Variants in SLC25A21 observed in about 807,000 individuals in gnomAD.
SLC25A21 encodes the protein solute carrier family 25 member 21.
In SLC25A21, 47 loss-of-function variants were observed where a neutral mutation model predicts 43.8. The observed-to-expected ratio is 1.07, with a 90% CI of 0.85 to 1.37. The LOEUF (loss-of-function observed/expected upper bound fraction) is 1.37. Ranked by LOEUF, SLC25A21 falls within the 40% of genes most tolerant of loss-of-function variation. The pLI is 0.00. For synonymous variants in SLC25A21, 131 were observed against 121.3 expected (o/e 1.08, Z -0.52); for missense variants, 352 against 350.2 (o/e 1.00, Z -0.04).
chr14:36,859,924 C>A (rs530205761), intron 2 of SLC25A21, among the ~76,000 whole-genome samples: 63 of 152,206 alleles, frequency 4.1e-4, no homozygotes, highest in Non-Finnish European at 6.3e-4. Flanking sequence ...TTCAATCATT[C>A]ATTCACCAAG....
intron 1 of SLC25A21, among the ~76,000 whole-genome samples, chr14:37,103,459 C>A (rs768486651): frequency 5.3e-5 from 8 of 152,170 alleles, no homozygotes; most frequent in Non-Finnish European, 8.8e-5. Context: ...AACTACCATG[C>A]TTTGAGCTTT....
At chr14:37,134,812 G>A (rs2063320336) in intron 1 of SLC25A21, among the ~76,000 whole-genome samples, 1 of 152,024 alleles carries the variant, frequency 6.6e-6, no homozygotes, top group South Asian at 2.1e-4. Context: ...GTATGTCTTG[G>A]CCAAGTGTGG....
intron 1 of SLC25A21, among the ~76,000 whole-genome samples, chr14:37,010,277 G>A (rs1188002198): frequency 6.6e-6 from 1 of 152,242 alleles, no homozygotes; most frequent in Non-Finnish European, 1.5e-5. Context: ...CCTTGTATGT[G>A]TGTGAAGAAA....
At chr14:36,792,132 C>G (rs929497790) in intron 3 of SLC25A21, among the ~76,000 whole-genome samples, 15 of 151,966 alleles carry the variant, frequency 9.9e-5, no homozygotes, top group African/African-American at 3.6e-4. Context: ...ACAGTTAGAC[C>G]ATCGACTATT....
intron 1 of SLC25A21, among the ~76,000 whole-genome samples, chr14:37,059,594 G>GAAAC (rs1271793400): frequency 1.3e-5 from 2 of 152,012 alleles, no homozygotes; most frequent in African/African-American, 2.4e-5. Context: ...AAGGTTAACC[G>GAAAC]AAACAAACAA....
At chr14:37,044,031 G>A (rs1212889766) in intron 1 of SLC25A21, among the ~76,000 whole-genome samples, 3 of 144,324 alleles carry the variant, frequency 2.1e-5, no homozygotes, top group East Asian at 2.1e-4. Flanking sequence ...TGATCCTCCC[G>A]CCTCGGCCTC....
chr14:36,785,338 A>G (rs1887208897), intron 3 of SLC25A21, among the ~76,000 whole-genome samples: 1 of 152,234 alleles, frequency 6.6e-6, no homozygotes, highest in Non-Finnish European at 1.5e-5. Context: ...AAACAAACAA[A>G]AAGCATGTTT....
intron 2 of SLC25A21, among the ~76,000 whole-genome samples, chr14:36,850,578 A>G (rs1267109492): frequency 6.6e-6 from 1 of 152,172 alleles, no homozygotes; most frequent in Non-Finnish European, 1.5e-5. Flanking sequence ...CTTTTCTTTC[A>G]GTCTTTCAAA....
At chr14:37,072,471 A>C (rs1594779935) in intron 1 of SLC25A21, among the ~76,000 whole-genome samples, 1 of 152,108 alleles carries the variant, frequency 6.6e-6, no homozygotes, top group East Asian at 1.9e-4. Flanking sequence ...GAGAGTCCTA[A>C]GAAGAATATT....
intron 1 of SLC25A21, among the ~76,000 whole-genome samples, chr14:37,132,368 T>C (rs1455916568): frequency 2.0e-5 from 3 of 152,150 alleles, no homozygotes; most frequent in African/African-American, 7.2e-5. Flanking sequence ...GGTTCTGTCT[T>C]AACCACTATA....
chr14:36,710,132 C>A (rs1384854856), intron 7 of SLC25A21, among the ~76,000 whole-genome samples: 3 of 152,032 alleles, frequency 2.0e-5, no homozygotes, highest in African/African-American at 7.2e-5. Context: ...TGCCTGTAAT[C>A]CTGGCACTTT....
chr14:36,856,090 G>C (rs1339636165), intron 2 of SLC25A21, among the ~76,000 whole-genome samples: 2 of 152,088 alleles, frequency 1.3e-5, no homozygotes, highest in Non-Finnish European at 2.9e-5. Flanking sequence ...CCAAGAAAGA[G>C]GTATTTTTTA....
At chr14:36,837,166 G>A (rs1238711140) in intron 2 of SLC25A21, among the ~76,000 whole-genome samples, 2 of 152,194 alleles carry the variant, frequency 1.3e-5, no homozygotes, top group South Asian at 2.1e-4. Flanking sequence ...GAGAAGCCAC[G>A]GTGGGGAGTG....
chr14:36,954,181 C>T (rs1037030363), intron 1 of SLC25A21, among the ~76,000 whole-genome samples: 6 of 152,126 alleles, frequency 3.9e-5, no homozygotes, highest in Admixed American at 1.3e-4. Context: ...GCATCATCCC[C>T]AGTAAAAAAT....
At chr14:36,784,233 A>C (rs1002880271) in intron 3 of SLC25A21, among the ~76,000 whole-genome samples, 11 of 152,302 alleles carry the variant, frequency 7.2e-5, no homozygotes, top group Admixed American at 2.0e-4. Context: ...GACACATTTG[A>C]TCTCCATTGA....
intron 1 of SLC25A21, among the ~76,000 whole-genome samples, chr14:37,117,638 G>T (rs1281792152): frequency 6.6e-6 from 1 of 152,094 alleles, no homozygotes; most frequent in Admixed American, 6.6e-5. Context: ...AAGAGGGAGA[G>T]GGGGGAAGTG....
At chr14:36,760,538 C>A (rs1354113041) in intron 3 of SLC25A21, among the ~76,000 whole-genome samples, 1 of 152,136 alleles carries the variant, frequency 6.6e-6, no homozygotes, top group Non-Finnish European at 1.5e-5. Flanking sequence ...AGACTTAGTG[C>A]CATTCACTGC....
chr14:36,788,206 A>G (rs865962327), intron 3 of SLC25A21, among the ~76,000 whole-genome samples: 4 of 152,296 alleles, frequency 2.6e-5, no homozygotes, highest in Middle Eastern at 6.8e-3. Flanking sequence ...GTAACCTGAT[A>G]GACGACAAAT....
At chr14:36,746,208 T>C (rs759157277) in intron 3 of SLC25A21, among the ~76,000 whole-genome samples, 30 of 152,160 alleles carry the variant, frequency 2.0e-4, no homozygotes, top group Admixed American at 7.2e-4. Context: ...AATCTAAGTG[T>C]CCGTCAACAG....
Sources: gnomAD v4.1 joint callset for allele counts (sites outside exome capture counted in the v4.1 genomes callset) on GRCh38, gnomAD v4.1.1 for gene constraint, MANE v1.5 for transcripts, NCBI Gene and HGNC (gene_info 2026-07-23, HGNC 2026-07-21) for gene names.